Variants in KRT85 observed in about 807,000 individuals in gnomAD.
KRT85 encodes the protein keratin, type II cuticular Hb5.
In KRT85, 39 loss-of-function variants were observed where a neutral mutation model predicts 53.7. The observed-to-expected ratio is 0.73, with a 90% CI of 0.56 to 0.95. KRT85 has a LOEUF of 0.95. Ranked by LOEUF, KRT85 falls within the 40% of genes least tolerant of loss-of-function variation. The probability of loss-of-function intolerance (pLI) is 0.00; values close to 1 mark genes in which losing one functional copy is unlikely to be tolerated. For missense variants in KRT85, 668 were observed against 686.0 expected (o/e 0.97, Z 0.29); for synonymous variants, 291 against 277.5 (o/e 1.05, Z -0.48).
intron 1 of KRT85, among the ~76,000 whole-genome samples, chr12:52,365,462 G>C (rs2121407702): frequency 6.6e-6 from 1 of 152,306 alleles, no homozygotes; most frequent in African/African-American, 2.4e-5. Context: ...AGCGAATAGT[G>C]TCTGTCTTAG....
Position 52,362,470 on chromosome 12 carries a change from C to T in KRT85, c.1079G>A (p.Arg360His), listed in dbSNP as rs202147637. ...TAEIENAKCQ[R>H]AKLEAAVAEA... Reference sequence around the variant, plus strand: ...AGCCACAGCAGCCTCCAGCTTGGCACGCTATCAGGTGGAGATACAAGGGCC... The same window carrying T: ...AGCCACAGCAGCCTCCAGCTTGGCATGCTATCAGGTGGAGATACAAGGGCC... The change falls in exon 7 of 9, where the codon CGT (arginine) becomes CAT (histidine). Residue 360 changes from arginine (R) to histidine (H), a missense_variant and splice_region_variant. Transcript: ENST00000257901. The T allele has an allele frequency of 2.4e-5, 38 of 1,614,036 alleles. No homozygotes were observed. The highest frequency in any genetic ancestry group is 9.9e-5 in the South Asian group (9 of 91,070).
chr12:52,360,999 T>C lies in KRT85; in HGVS notation c.1378A>G (p.Ser460Gly), dbSNP rs762753540. 2.5e-6 allele frequency: 4 copies of C among 1,613,522 alleles called. No individual in the cohort carries two copies. The Admixed American group carries it at 5.0e-5, about 20-fold the overall frequency. Residue 460 changes from serine to glycine, a missense_variant, in exon 9 of 9, where the codon AGC becomes GGC. Around this residue, in one of 3 missense-constraint regions of KRT85, gnomAD observed 488 missense variants for 498.1 expected, o/e 0.98. Transcript: ENST00000257901. ...GTGATCTGGCGCCCTGGGGTGGTGC[T>C]GTAGGAGAGGCCCCCACAGGAGACT... ...GGVSCGGLSY[S>G]TTPGRQITSG...
At position 52,360,802 on chromosome 12, in the gene KRT85, G is replaced by T; in HGVS notation, c.*51C>A. ...TTCCATTCACATGCCATTCAGTGCA[G>T]TGATGCAGGCAGGCAGGTGCTTGGC... On this transcript the variant is annotated 3_prime_UTR_variant, in exon 9 of 9. Coordinates refer to ENST00000257901, the MANE Select transcript of KRT85 (RefSeq NM_002283.4). The T allele has an allele frequency of 6.5e-7, 1 of 1,546,648 alleles. No homozygotes were observed. Among genetic ancestry groups the T allele is most frequent in the Non-Finnish European group, 8.9e-7 (1 of 1,120,190 alleles).
rs139583707 is a variant in KRT85 at position 52,363,296 on chromosome 12, C to A, written c.901G>T (p.Asp301Tyr). The change falls in exon 5 of 9, where the codon GAT (aspartate) becomes TAT (tyrosine). Residue 301 changes from aspartate (D) to tyrosine (Y), a missense_variant. Around this residue, in one of 3 missense-constraint regions of KRT85, gnomAD observed 488 missense variants for 498.1 expected, o/e 0.98. Transcript: ENST00000257901. ...IIAEIKAQYD[D>Y]VASRSRAEAE... is the part of the protein sequence containing the mutation. The stretch of plus-strand genomic sequence containing the variant: ...TCGGCCCGGCTGCGGCTGGCAACAT[C>A]GTCATACTGAGCCTTGATCTCAGCG... 6.2e-6 allele frequency: 10 copies of A among 1,614,086 alleles called. No individual in the cohort carries two copies. In the South Asian group the frequency reaches 1.1e-4, roughly 18 times the overall value.
In KRT85 at chr12:52,366,967, C is replaced by G. The variant is rs758779903; in HGVS notation, c.420+19G>C. 3 of 1,613,862 alleles carry G rather than the reference C, an allele frequency of 1.9e-6. No homozygotes were observed. Among genetic ancestry groups the G allele is most frequent in the South Asian group, 1.1e-5 (1 of 91,076 alleles). ...GACAGGGCTGGAGGCTTCTCTGGGC[C>G]GTCTCAGGCCTCACCCACCTTGTCG... On this transcript the variant is annotated intron_variant, in intron 1 of 8. Coordinates refer to ENST00000257901, the MANE Select transcript of KRT85 (RefSeq NM_002283.4).
chr12:52,362,457 C>T lies in KRT85; in HGVS notation c.1092G>A (p.Glu364=), dbSNP rs755332166. Residue 364 remains glutamate, a synonymous_variant, in exon 7 of 9, where the codon GAG becomes GAA. Transcript: ENST00000257901. ...ENAKCQRAKL[E]AAVAEAEQQG... is the part of the protein sequence containing the mutation. ...GCTGCTCTGCCTCAGCCACAGCAGCCTCCAGCTTGGCACGCTATCAGGTGG... is the reference window on the plus strand; with the variant it reads ...GCTGCTCTGCCTCAGCCACAGCAGCTTCCAGCTTGGCACGCTATCAGGTGG... 1.1e-5 allele frequency: 18 copies of T among 1,614,182 alleles called. No homozygotes were observed. Among genetic ancestry groups the T allele is most frequent in the Admixed American group, 3.3e-5 (2 of 60,024 alleles).
chr12:52,365,427 C>G (rs1939258372), intron 1 of KRT85, among the ~76,000 whole-genome samples: 1 of 152,210 alleles, frequency 6.6e-6, no homozygotes, highest in South Asian at 2.1e-4. Flanking sequence ...CCTCCTGGGG[C>G]TCAGTTTTCT....
chr12:52,364,602 C>T, intron 2 of KRT85: 1 of 1,441,174 alleles, frequency 6.9e-7, no homozygotes. Context: ...CATTCCTTCC[C>T]CCAAGTCTAA....
At position 52,367,289 on chromosome 12, in the gene KRT85, G is replaced by C; in HGVS notation, c.117C>G (p.Tyr39Ter). The C allele has an allele frequency of 6.2e-7, 1 of 1,613,256 alleles. No individual in the cohort carries two copies. The highest frequency in any genetic ancestry group is 1.1e-5 in the South Asian group (1 of 91,070). The change falls in exon 1 of 9, where the codon TAC becomes TAG. Residue 39 changes from tyrosine to a stop codon, truncating the protein, a stop_gained. Coordinates refer to ENST00000257901, the MANE Select transcript of KRT85 (RefSeq NM_002283.4). LOFTEE classifies it high-confidence loss of function. ...GCCCTCGGTAGCAGGACACCCCTCGGTAGGGGGCGGCGCTGATGCAGCAGC... is the reference window on the plus strand; with the variant it reads ...GCCCTCGGTAGCAGGACACCCCTCGCTAGGGGGCGGCGCTGATGCAGCAGC... Reference protein sequence around the residue: ...GNRCCISAAPYRGVSCYRGLT... With the variant: ...GNRCCISAAP
chr12:52,367,216 G>T lies in KRT85; in HGVS notation c.190C>A (p.Pro64Thr), dbSNP rs200758226. The T allele has an allele frequency of 2.4e-4, 382 of 1,613,478 alleles. 3 individuals are homozygous for T. The Middle Eastern group carries it at 2.5e-3, about 11-fold the overall frequency. ...CGGAAGCCACCTACAGCTATCCGGG[G>T]CCCGCAGGAGCCCAGGTTGCAGAGG... is the stretch of plus-strand genomic sequence containing the variant. Reference protein sequence around the residue: ...RSLCNLGSCGPRIAVGGFRAG... With the variant: ...RSLCNLGSCGTRIAVGGFRAG... Residue 64 changes from proline (P) to threonine (T), a missense_variant, in exon 1 of 9, where the codon CCC becomes ACC. Pro to Thr is a conservative substitution (Grantham distance 38, BLOSUM62 -1). Coordinates refer to ENST00000257901, the MANE Select transcript of KRT85 (RefSeq NM_002283.4).
chr12:52,366,459 G>T (rs991414736), intron 1 of KRT85, among the ~76,000 whole-genome samples: 1 of 152,192 alleles, frequency 6.6e-6, no homozygotes, highest in African/African-American at 2.4e-5. Flanking sequence ...CAGCATGGCT[G>T]TGGGCATTAC....
In KRT85 at chr12:52,364,982, C is replaced by T. The variant is rs369807814; in HGVS notation, c.609G>A (p.Val203=). The change falls in exon 2 of 9, where the codon GTG becomes GTA. Residue 203 remains valine, a synonymous_variant. Coordinates refer to ENST00000257901, the MANE Select transcript of KRT85 (RefSeq NM_002283.4). ...CTCACTTCTTCTTGTAGCCCTCCAGCACCTCCTGCACATGGTTGAGCTCTG... is the reference window on the plus strand; with the variant it reads ...CTCACTTCTTCTTGTAGCCCTCCAGTACCTCCTGCACATGGTTGAGCTCTG... ...LASELNHVQE[V]LEGYKKKYEE... is the part of the protein sequence containing the mutation. 3 of 1,612,790 alleles carry T rather than the reference C, an allele frequency of 1.9e-6. No homozygotes were observed. The highest frequency in any genetic ancestry group is 1.1e-5 in the South Asian group (1 of 91,010).
rs1364442826 is a variant in KRT85 at position 52,360,787 on chromosome 12, A to T, written c.*66T>A. On this transcript the variant is annotated 3_prime_UTR_variant, in exon 9 of 9. Coordinates refer to ENST00000257901, the MANE Select transcript of KRT85 (RefSeq NM_002283.4). ...AAGCAAGCACACATTTTCCATTCAC[A>T]TGCCATTCAGTGCAGTGATGCAGGC... 3 of 1,483,220 alleles carry T rather than the reference A, an allele frequency of 2.0e-6. No individual in the cohort carries two copies. The highest frequency in any genetic ancestry group is 2.8e-6 in the Non-Finnish European group (3 of 1,062,484). 91.9% of individuals were successfully genotyped at this position (1,483,220 alleles called of 1,614,324 possible).
chr12:52,363,461 C>T (rs376584235), intron 4 of KRT85, 51 bp from the exon 5 acceptor site: 27 of 1,603,996 alleles, frequency 1.7e-5, no homozygotes, highest in East Asian at 8.9e-5. Context: ...ATCTGGGCCA[C>T]GTGATCCACC....
chr12:52,367,245 CG>C lies in KRT85; in HGVS notation c.160del (p.Arg54AlafsTer13), dbSNP rs1265306903. On this transcript the variant is annotated frameshift_variant, in exon 1 of 9. Transcript: ENST00000257901. LOFTEE classifies it high-confidence loss of function. Reference protein sequence around the residue: ...CYRGLTGFGSRSLCNLGSCGP... With the variant: ...CYRGLTGFGSXSLCNLGSCGP... ...GCAGGAGCCCAGGTTGCAGAGGCTG[CG>C]GCTGCCGAAGCCCGTCAGCCCTCGG... 6.2e-7 allele frequency: 1 copy of C among 1,611,958 alleles called. No homozygotes were observed. Among genetic ancestry groups the C allele is most frequent in the Non-Finnish European group, 8.5e-7 (1 of 1,178,866 alleles).
chr12:52,367,438 G>C lies in KRT85; in HGVS notation c.-33C>G. 1.9e-6 allele frequency: 3 copies of C among 1,611,628 alleles called. No homozygotes were observed. Among genetic ancestry groups the C allele is most frequent in the Non-Finnish European group, 2.5e-6 (3 of 1,178,496 alleles). On this transcript the variant is annotated 5_prime_UTR_variant, in exon 1 of 9. Coordinates refer to ENST00000257901, the MANE Select transcript of KRT85 (RefSeq NM_002283.4). ...GGCTGAGCAGAGTCTGAGAGGCAGC[G>C]GAAGGTGGTGCGGGCGGCAGAGTGC... is the stretch of plus-strand genomic sequence containing the variant.
intron 8 of KRT85, 30 bp from the exon 9 acceptor site, chr12:52,361,076 G>A (rs773985623): frequency 2.2e-5 from 34 of 1,561,962 alleles, no homozygotes; most frequent in Non-Finnish European, 2.9e-5. Context: ...GGAGGGGTGA[G>A]CAGCTCCCTG....
intron 3 of KRT85, 27 bp from the exon 4 acceptor site, chr12:52,364,190 C>T: frequency 6.2e-7 from 1 of 1,613,414 alleles, no homozygotes. Flanking sequence ...GAGGAGGGGA[C>T]ATGCATGTGA....
chr12:52,360,137 C>T lies in KRT85; in HGVS notation c.*716G>A, dbSNP rs1326981856. On this transcript the variant is annotated 3_prime_UTR_variant, in exon 9 of 9. Transcript: ENST00000257901. ...TCCCGCCAGCTCTGCATTGGACAGT[C>T]CCCACCTGCACCCAGCAAGGGGGCA... is the stretch of plus-strand genomic sequence containing the variant. 2 of 156,078 alleles carry T rather than the reference C, an allele frequency of 1.3e-5. No individual in the cohort carries two copies. Among genetic ancestry groups the T allele is most frequent in the Non-Finnish European group, 2.8e-5 (2 of 70,394 alleles). 9.7% of individuals were successfully genotyped at this position (156,078 alleles called of 1,614,324 possible).
Sources: gnomAD v4.1 joint callset for allele counts (sites outside exome capture counted in the v4.1 genomes callset) on GRCh38, gnomAD v4.1.1 for gene constraint, gnomAD v4.1.1 regional missense constraint, MANE v1.5 for transcripts, NCBI Gene and HGNC (gene_info 2026-07-23, HGNC 2026-07-21) for gene names.